FER: variants seen among roughly 807,000 people sequenced by gnomAD.
The protein encoded by FER is tyrosine-protein kinase Fer.
FER carries 63 observed loss-of-function variants against 111.0 expected under a neutral mutation model. The observed-to-expected ratio is 0.57, with a 90% CI of 0.46 to 0.70. FER has a LOEUF of 0.70. Ranked by LOEUF, FER falls within the 30% of genes least tolerant of loss-of-function variation. The probability of loss-of-function intolerance (pLI) is 0.00; values close to 1 mark genes in which losing one functional copy is unlikely to be tolerated. For missense variants in FER, 914 were observed against 954.0 expected (o/e 0.96, Z 0.55); for synonymous variants, 327 against 313.9 (o/e 1.04, Z -0.44).
At chr5:109,187,104 A>G (rs1758962994) in intron 19 of FER, among the ~76,000 whole-genome samples, 1 of 152,350 alleles carries the variant, frequency 6.6e-6, no homozygotes, top group South Asian at 2.1e-4. Flanking sequence ...AAAAACACAG[A>G]TGATTTTTTA....
intron 2 of FER, among the ~76,000 whole-genome samples, chr5:108,772,129 T>C (rs1267620379): frequency 6.6e-6 from 1 of 152,052 alleles, no homozygotes; most frequent in East Asian, 1.9e-4. Flanking sequence ...GCCTCTTTTA[T>C]AGGGCATTAA....
chr5:108,809,712 A>G (rs1165188448), intron 3 of FER, among the ~76,000 whole-genome samples: 1 of 152,012 alleles, frequency 6.6e-6, no homozygotes, highest in Non-Finnish European at 1.5e-5. Flanking sequence ...ACAAGTGTGG[A>G]CCACCATGCC....
intron 17 of FER, among the ~76,000 whole-genome samples, chr5:109,172,953 G>A (rs1374786902): frequency 1.3e-5 from 2 of 152,136 alleles, no homozygotes; most frequent in Non-Finnish European, 2.9e-5. Flanking sequence ...GCAAAGAAAG[G>A]TCCACTTGGG....
intron 3 of FER, chr5:108,818,330 C>T (rs1391757027): frequency 6.6e-6 from 1 of 152,064 alleles, no homozygotes; most frequent in Non-Finnish European, 1.5e-5. Flanking sequence ...GTCCCAGCTG[C>T]TCAGGATGCT....
At chr5:108,972,593 G>C (rs567687613) in intron 13 of FER, among the ~76,000 whole-genome samples, 1 of 152,164 alleles carries the variant, frequency 6.6e-6, no homozygotes, top group East Asian at 1.9e-4. Context: ...GCCCATTAAA[G>C]GTGTTTGAGA....
At chr5:109,051,296 A>C in intron 16 of FER, 1 of 1,477,704 alleles carries the variant, frequency 6.8e-7, no homozygotes, top group Non-Finnish European at 9.5e-7. Context: ...GAATCTTGAT[A>C]CTTTCAAGCC....
intron 13 of FER, among the ~76,000 whole-genome samples, chr5:109,005,062 G>C (rs891894394): frequency 6.6e-6 from 1 of 152,178 alleles, no homozygotes; most frequent in East Asian, 1.9e-4. Flanking sequence ...TAGGGATAAA[G>C]GGACAAGAGG....
rs563528280 is a variant in FER, at chr5:109,082,985, A to C, written c.1925-17411A>C. 7.9e-5 allele frequency among the ~76,000 whole-genome samples: 12 copies of C among 152,176 alleles called. No homozygotes were observed. The East Asian group carries it at 2.3e-3, about 29-fold the overall frequency. On this transcript the variant is annotated intron_variant, in intron 16 of 19. Coordinates refer to ENST00000281092, the MANE Select transcript of FER (RefSeq NM_005246.4). ...TCTGAACCCCCCAAAAAAAGAAAAA[A>C]AGGCAGAGGCAGTTTAAATTCTCCT...
In FER at chr5:108,762,190, T is replaced by C. The variant is rs547141356; in HGVS notation, c.-205-5903T>C. ...TTGTGGTATAATTTTTTATGTTTGT[T>C]AGGCTAGTTTTGGATGCCAGTGGCA... On this transcript the variant is annotated intron_variant, in intron 1 of 19. Transcript: ENST00000281092. Among the ~76,000 whole-genome samples the C allele has an allele frequency of 9.8e-5, 15 of 152,294 alleles. No individual in the cohort carries two copies. In the South Asian group the frequency reaches 1.4e-3, roughly 15 times the overall value.
At chr5:108,847,566 T>C (rs1182903850) in intron 5 of FER, among the ~76,000 whole-genome samples, 5 of 152,144 alleles carry the variant, frequency 3.3e-5, no homozygotes, top group African/African-American at 1.2e-4. Context: ...CTTAACAATT[T>C]TTTTGTCTAC....
intron 5 of FER, among the ~76,000 whole-genome samples, chr5:108,837,669 T>C (rs1024087182): frequency 1.3e-5 from 2 of 152,186 alleles, no homozygotes; most frequent in Admixed American, 6.5e-5. Context: ...TTTTTAGTGA[T>C]ACAGTTTATT....
At chr5:108,768,507 G>A (rs1410149534) in intron 2 of FER, among the ~76,000 whole-genome samples, 2 of 152,090 alleles carry the variant, frequency 1.3e-5, no homozygotes, top group East Asian at 1.9e-4. Flanking sequence ...CAATCTGTGT[G>A]CCCACCAGTC....
chr5:108,984,125 G>C (rs979650205), intron 13 of FER, among the ~76,000 whole-genome samples: 3 of 151,988 alleles, frequency 2.0e-5, no homozygotes, highest in Non-Finnish European at 4.4e-5. Flanking sequence ...GCAGTTTTCT[G>C]TCCTTTCCTT....
rs140905888 is a variant in FER, at chr5:109,077,858, ATAAT to A, written c.1925-22535_1925-22532del. On this transcript the variant is annotated intron_variant, in intron 16 of 19. Transcript: ENST00000281092. ...CATTATAAAGAACTTTCAAACCCAT[ATAAT>A]TAGTTTTTTTGTAATCATAAATAAT... Among the ~76,000 whole-genome samples the A allele has an allele frequency of 2.0e-3, 302 of 152,314 alleles. 2 individuals are homozygous for A. The highest frequency in any genetic ancestry group is 6.6e-3 in the African/African-American group (274 of 41,576).
At chr5:108,949,429 A>AT (rs1397847977) in intron 11 of FER, among the ~76,000 whole-genome samples, 1 of 152,008 alleles carries the variant, frequency 6.6e-6, no homozygotes, top group East Asian at 1.9e-4. Context: ...GAAAATAAAG[A>AT]TTTTTTGCAT....
chr5:109,146,210 T>TA (rs1582243927), intron 17 of FER, among the ~76,000 whole-genome samples: 1 of 95,310 alleles, frequency 1.0e-5, no homozygotes, highest in East Asian at 2.3e-4. Flanking sequence ...TCTATCTATT[T>TA]TATATATATA....
At chr5:109,117,303 T>G (rs1750366241) in intron 17 of FER, among the ~76,000 whole-genome samples, 1 of 152,116 alleles carries the variant, frequency 6.6e-6, no homozygotes, top group African/African-American at 2.4e-5. Flanking sequence ...GAAGAAATAG[T>G]GACTACAGAA....
At chr5:109,001,893 A>G (rs1764825758) in intron 13 of FER, among the ~76,000 whole-genome samples, 1 of 152,168 alleles carries the variant, frequency 6.6e-6, no homozygotes, top group Non-Finnish European at 1.5e-5. Flanking sequence ...AATTGCTTCA[A>G]AGAGAACAAA....
At chr5:109,136,575 A>T (rs905951235) in intron 17 of FER, among the ~76,000 whole-genome samples, 1 of 152,166 alleles carries the variant, frequency 6.6e-6, no homozygotes, top group African/African-American at 2.4e-5. Context: ...TTAGCTAGTT[A>T]TAGCTTACAA....
Sources: gnomAD v4.1 joint callset for allele counts (sites outside exome capture counted in the v4.1 genomes callset) on GRCh38, gnomAD v4.1.1 for gene constraint, MANE v1.5 for transcripts, NCBI Gene and HGNC (gene_info 2026-07-23, HGNC 2026-07-21) for gene names.